C12orf56: variants seen among roughly 807,000 people sequenced by gnomAD.
C12orf56 encodes chromosome 12 open reading frame 56, also known as uncharacterized protein C12orf56.
In C12orf56, 71 loss-of-function variants were observed where a neutral mutation model predicts 69.9. The observed-to-expected ratio is 1.02, with a 90% confidence interval of 0.84 to 1.24. The LOEUF (loss-of-function observed/expected upper bound fraction) is 1.24, where lower values mean the gene tolerates loss of function less well. Among genes scored for constraint, C12orf56 ranks in the 50% most tolerant of loss-of-function variants. The probability of loss-of-function intolerance (pLI) is 0.00; values close to 1 mark genes in which losing one functional copy is unlikely to be tolerated. For missense variants in C12orf56, 732 were observed against 738.5 expected (o/e 0.99, Z 0.10); for synonymous variants, 276 against 274.1 (o/e 1.01, Z -0.07).
intron 2 of C12orf56, among the ~76,000 whole-genome samples, chr12:64,351,090 C>A (rs559635908): frequency 4.7e-4 from 71 of 152,294 alleles, no homozygotes; most frequent in African/African-American, 1.6e-3. Context: ...ATGTAAAAAT[C>A]TGGATCAATA....
chr12:64,364,329 G>A lies in C12orf56; in HGVS notation c.253-11273C>T, dbSNP rs2039437389. 2.0e-5 allele frequency among the ~76,000 whole-genome samples: 3 copies of A among 152,084 alleles called. No individual in the cohort carries two copies. The South Asian group carries it at 6.2e-4, about 32-fold the overall frequency. On this transcript the variant is annotated intron_variant, in intron 1 of 12. Coordinates refer to ENST00000543942, the MANE Select transcript of C12orf56 (RefSeq NM_001170633.2). The stretch of plus-strand genomic sequence containing the variant: ...ACTTCTTAAATTTAAAAAAAAAAGT[G>A]TTTTTGCATGTCTGAAACCTTGGAC...
intron 1 of C12orf56, among the ~76,000 whole-genome samples, chr12:64,374,630 G>A (rs1254807265): frequency 3.3e-5 from 5 of 150,408 alleles, no homozygotes; most frequent in South Asian, 2.1e-4. Flanking sequence ...TGCAAACTCC[G>A]CCTCCCAGGT....
chr12:64,369,005 A>G (rs55999447), intron 1 of C12orf56, among the ~76,000 whole-genome samples: 13,474 of 152,098 alleles, frequency 0.089, 802 homozygotes, highest in Middle Eastern at 0.21. Context: ...CTTGAATGCA[A>G]ATCAAGAAAT....
chr12:64,375,995 T>G lies in C12orf56; in HGVS notation c.252+14319A>C, dbSNP rs150457513. ...GTGTGGTGATCTGCTGCCAGTCTGA[T>G]CTACTACAGCTTTCTGAATCCCAGC... is the stretch of plus-strand genomic sequence containing the variant. On this transcript the variant is annotated intron_variant, in intron 1 of 12. Transcript: ENST00000543942. Among the ~76,000 whole-genome samples the G allele has an allele frequency of 3.2e-3, 493 of 152,286 alleles. 5 individuals carry two copies. The highest frequency in any genetic ancestry group is 0.011 in the African/African-American group (473 of 41,556).
At chr12:64,378,821 C>G (rs1238126556) in intron 1 of C12orf56, among the ~76,000 whole-genome samples, 1 of 151,968 alleles carries the variant, frequency 6.6e-6, no homozygotes, top group African/African-American at 2.4e-5. Flanking sequence ...GAGGCTGAGG[C>G]AGGTGGATCA....
At chr12:64,390,224 C>G in intron 1 of C12orf56, 90 bp downstream of exon 1, 6 of 1,454,488 alleles carry the variant, frequency 4.1e-6, no homozygotes, top group Non-Finnish European at 5.4e-6. Context: ...GATGGGGCAG[C>G]CCTCCCCGCG....
At chr12:64,272,655 C>A (rs1376543366) in intron 11 of C12orf56, among the ~76,000 whole-genome samples, 1 of 146,852 alleles carries the variant, frequency 6.8e-6, no homozygotes, top group East Asian at 2.0e-4. Flanking sequence ...CACATCAGTC[C>A]ATGTAATAGG....
In C12orf56 at chr12:64,293,919, C is replaced by G. The variant is rs149775898; in HGVS notation, c.1114-7859G>C. 3.3e-5 allele frequency among the ~76,000 whole-genome samples: 5 copies of G among 152,288 alleles called. No individual in the cohort carries two copies. In the East Asian group the frequency reaches 9.6e-4, roughly 29 times the overall value. ...GACATTCTGGAGTGACAGAGACGCT[C>G]TAAATCTTGATTGAAGTAGTGTTAA... On this transcript the variant is annotated intron_variant, in intron 6 of 12. Transcript: ENST00000543942.
At chr12:64,296,438 C>A (rs74100209) in intron 6 of C12orf56, among the ~76,000 whole-genome samples, 4,787 of 152,222 alleles carry the variant, frequency 0.031, 272 homozygotes, top group African/African-American at 0.11. Flanking sequence ...GTCTATCCTC[C>A]ACACATCCCA....
chr12:64,367,511 CT>C (rs929966776), intron 1 of C12orf56, among the ~76,000 whole-genome samples: 73 of 143,074 alleles, frequency 5.1e-4, no homozygotes, highest in East Asian at 1.4e-3. Context: ...GAGAGATACT[CT>C]TTTTTTTTTT....
chr12:64,293,108 C>T lies in C12orf56; in HGVS notation c.1114-7048G>A, dbSNP rs1177120089. 7.9e-5 allele frequency among the ~76,000 whole-genome samples: 12 copies of T among 152,202 alleles called. No individual in the cohort carries two copies. In the South Asian group the frequency reaches 2.1e-3, roughly 26 times the overall value. ...GCGCAGTATTCGGGTGGGAGTGACC[C>T]GATTTTCCAGGTGCGTCCGTCACCC... On this transcript the variant is annotated intron_variant, in intron 6 of 12. Coordinates refer to ENST00000543942, the MANE Select transcript of C12orf56 (RefSeq NM_001170633.2).
chr12:64,353,775 G>T (rs2039266545), intron 1 of C12orf56, among the ~76,000 whole-genome samples: 1 of 152,056 alleles, frequency 6.6e-6, no homozygotes, highest in Admixed American at 6.6e-5. Flanking sequence ...TCCACCTCCT[G>T]GGTTCAAGCA....
chr12:64,308,422 T>C (rs2038544818), intron 5 of C12orf56, among the ~76,000 whole-genome samples: 1 of 152,218 alleles, frequency 6.6e-6, no homozygotes, highest in African/African-American at 2.4e-5. Context: ...AAGATATTTC[T>C]TATATTTGCT....
chr12:64,355,747 T>A (rs2039302635), intron 1 of C12orf56: 1 of 152,242 alleles, frequency 6.6e-6, no homozygotes, highest in African/African-American at 2.4e-5. Flanking sequence ...ATAGTTTTGT[T>A]TTTTCTTCTT....
intron 2 of C12orf56, among the ~76,000 whole-genome samples, chr12:64,347,100 C>G (rs2039154154): frequency 6.6e-6 from 1 of 151,530 alleles, no homozygotes; most frequent in South Asian, 2.1e-4. Flanking sequence ...CTCAGCCTCC[C>G]AAGGAGCTGG....
chr12:64,314,244 C>T (rs1401891673), intron 4 of C12orf56, among the ~76,000 whole-genome samples: 1 of 151,864 alleles, frequency 6.6e-6, no homozygotes, highest in African/African-American at 2.4e-5. Context: ...TTCTACCTTG[C>T]CAGGCCAATT....
chr12:64,279,131 G>T (rs1028122509), intron 8 of C12orf56, among the ~76,000 whole-genome samples: 2 of 151,946 alleles, frequency 1.3e-5, no homozygotes, highest in Non-Finnish European at 2.9e-5. Context: ...TGTTGCCCAG[G>T]CTGGACTTGA....
intron 2 of C12orf56, among the ~76,000 whole-genome samples, chr12:64,332,207 G>A (rs376676927): frequency 9.9e-5 from 15 of 151,362 alleles, no homozygotes; most frequent in East Asian, 7.8e-4. Flanking sequence ...AGGAGGCTGA[G>A]GCAGGAGAAT....
chr12:64,357,881 CAG>C (rs2039341123), intron 1 of C12orf56, among the ~76,000 whole-genome samples: 1 of 151,194 alleles, frequency 6.6e-6, no homozygotes, highest in Non-Finnish European at 1.5e-5. Flanking sequence ...GCCTGGGTGA[CAG>C]AGGGAGACTC....
Sources: allele counts gnomAD v4.1 joint callset (sites outside exome capture counted in the v4.1 genomes callset), GRCh38; gene constraint gnomAD v4.1.1; transcripts MANE v1.5; gene names NCBI Gene and HGNC (gene_info 2026-07-23, HGNC 2026-07-21).